AKAP19: variants seen among roughly 807,000 people sequenced by gnomAD.
AKAP19 encodes the protein A-kinase anchoring protein 19.
At chr2:190,072,012 A>G in the AKAP19 span, among the ~76,000 whole-genome samples, 1 of 152,204 alleles carries the variant, frequency 6.6e-6, no homozygotes, top group East Asian at 1.9e-4. Context: ...ATAAAAATAC[A>G]TAAAGAAAAA....
the AKAP19 span, among the ~76,000 whole-genome samples, chr2:190,048,616 C>A: frequency 6.6e-6 from 1 of 152,144 alleles, no homozygotes; most frequent in Non-Finnish European, 1.5e-5. Context: ...TTTTAAAAAA[C>A]CTTCCTGTAA....
chr2:190,086,792 G>A, the AKAP19 span, among the ~76,000 whole-genome samples: 247 of 152,242 alleles, frequency 1.6e-3, 1 homozygote, highest in African/African-American at 5.6e-3. Context: ...TTTGAGACAT[G>A]GTCTTCCCTC....
the AKAP19 span, among the ~76,000 whole-genome samples, chr2:189,968,540 T>TA: frequency 6.6e-6 from 1 of 152,228 alleles, no homozygotes; most frequent in Non-Finnish European, 1.5e-5. Flanking sequence ...GCGCCTGGGC[T>TA]AAATGCTGTA....
chr2:190,071,346 C>T, the AKAP19 span, among the ~76,000 whole-genome samples: 6 of 151,958 alleles, frequency 3.9e-5, no homozygotes, highest in African/African-American at 9.7e-5. Context: ...TCTAGCTATT[C>T]GTTTTTTATC....
chr2:189,906,287 A>G, the AKAP19 span, among the ~76,000 whole-genome samples: 1 of 152,152 alleles, frequency 6.6e-6, no homozygotes, highest in Admixed American at 6.5e-5. Context: ...TTATTTTTAA[A>G]TTATAACATT....
the AKAP19 span, among the ~76,000 whole-genome samples, chr2:190,037,745 A>G: frequency 6.6e-6 from 1 of 152,204 alleles, no homozygotes. Context: ...GTGTGATCCC[A>G]TGTCTACCGG....
the AKAP19 span, among the ~76,000 whole-genome samples, chr2:189,946,940 G>T: frequency 6.6e-6 from 1 of 152,146 alleles, no homozygotes; most frequent in Non-Finnish European, 1.5e-5. Flanking sequence ...GCTTAGTGCA[G>T]CTTTGGGATC....
the AKAP19 span, among the ~76,000 whole-genome samples, chr2:190,017,597 T>C: frequency 6.6e-6 from 1 of 152,190 alleles, no homozygotes; most frequent in African/African-American, 2.4e-5. Context: ...TATATTATTT[T>C]GTAAACTGTC....
chr2:190,058,963 AC>A, the AKAP19 span, among the ~76,000 whole-genome samples: 2 of 151,642 alleles, frequency 1.3e-5, no homozygotes, highest in Non-Finnish European at 2.9e-5. Flanking sequence ...AACCACTTGT[AC>A]CCCCCAACAT....
At chr2:190,133,632 C>G in the AKAP19 span, among the ~76,000 whole-genome samples, 1 of 152,154 alleles carries the variant, frequency 6.6e-6, no homozygotes, top group South Asian at 2.1e-4. Context: ...AAGTGTTCAT[C>G]AACAGATGAA....
the AKAP19 span, among the ~76,000 whole-genome samples, chr2:190,195,182 A>G: frequency 1.3e-5 from 2 of 152,106 alleles, no homozygotes; most frequent in South Asian, 2.1e-4. Context: ...TTAATGCTGA[A>G]TATGTTCCAT....
chr2:190,062,579 G>A, the AKAP19 span: 1 of 1,612,176 alleles, frequency 6.2e-7, no homozygotes, highest in South Asian at 1.1e-5. Context: ...TATAAACACA[G>A]AGTTGCAGTT....
chr2:189,912,098 CCA>C, the AKAP19 span, among the ~76,000 whole-genome samples: 144,802 of 152,152 alleles, frequency 0.95, 68,923 homozygotes, highest in East Asian at 0.98. Context: ...AGTTGGTATA[CCA>C]CACAGCATGT....
At chr2:189,936,126 G>C in the AKAP19 span, among the ~76,000 whole-genome samples, 1 of 151,730 alleles carries the variant, frequency 6.6e-6, no homozygotes, top group Non-Finnish European at 1.5e-5. Context: ...TTCTATACAG[G>C]AGTAATATTG....
the AKAP19 span, among the ~76,000 whole-genome samples, chr2:189,904,055 T>G: frequency 0.72 from 108,446 of 150,574 alleles, 43,181 homozygotes; most frequent in Non-Finnish European, 0.89. Context: ...TGAGAGTGTT[T>G]AAAAGATTAT....
At chr2:190,054,169 T>G in the AKAP19 span, among the ~76,000 whole-genome samples, 1 of 152,096 alleles carries the variant, frequency 6.6e-6, no homozygotes, top group Non-Finnish European at 1.5e-5. Flanking sequence ...CCAACTGCAA[T>G]GCATTTGGAA....
chr2:190,195,865 T>C, the AKAP19 span, among the ~76,000 whole-genome samples: 5 of 151,740 alleles, frequency 3.3e-5, no homozygotes, highest in Non-Finnish European at 5.9e-5. Context: ...TGTTATCTTC[T>C]AGGAGTCCTA....
the AKAP19 span, among the ~76,000 whole-genome samples, chr2:190,053,372 G>A: frequency 6.6e-6 from 1 of 152,096 alleles, no homozygotes; most frequent in African/African-American, 2.4e-5. Context: ...TATTCCTTCT[G>A]TCTAGTGTTT....
chr2:189,936,257 G>GAT, the AKAP19 span, among the ~76,000 whole-genome samples: 1 of 54,278 alleles, frequency 1.8e-5, no homozygotes, highest in Non-Finnish European at 4.2e-5. Flanking sequence ...TAGACTTGTT[G>GAT]ATACACACAC....
Sources: allele counts gnomAD v4.1 joint callset (sites outside exome capture counted in the v4.1 genomes callset), GRCh38; gene constraint gnomAD v4.1.1; transcripts MANE v1.5; gene names NCBI Gene and HGNC (gene_info 2026-07-23, HGNC 2026-07-21).